Variants in SDHAF3 observed in about 807,000 individuals in gnomAD.
SDHAF3 encodes succinate dehydrogenase assembly factor 3, mitochondrial.
In SDHAF3, 18 loss-of-function variants were observed where a neutral mutation model predicts 11.5. The ratio of observed to expected loss-of-function variants is 1.56; its 90% CI spans 1.08 to 2.32. The LOEUF (loss-of-function observed/expected upper bound fraction) is 2.32. SDHAF3 is among the 30% of genes most tolerant of loss of function. The pLI, the probability that SDHAF3 is intolerant of heterozygous loss-of-function variation, is 0.00. For synonymous variants in SDHAF3, 72 were observed against 59.3 expected (o/e 1.21, Z -0.99); for missense variants, 200 against 154.4 (o/e 1.30, Z -1.57).
At chr7:97,159,061 C>G (rs1185247339) in intron 1 of SDHAF3, among the ~76,000 whole-genome samples, 2 of 152,086 alleles carry the variant, frequency 1.3e-5, no homozygotes, top group East Asian at 1.9e-4. Flanking sequence ...TAAATAAGTT[C>G]TCTATTATTT....
intron 1 of SDHAF3, among the ~76,000 whole-genome samples, chr7:97,154,169 AGG>A: frequency 7.4e-6 from 1 of 135,552 alleles, no homozygotes; most frequent in Admixed American, 9.0e-5. Context: ...AACCTTCTTA[AGG>A]GTGGGGGAGA....
intron 1 of SDHAF3, among the ~76,000 whole-genome samples, chr7:97,119,084 T>A (rs1791452400): frequency 6.6e-6 from 1 of 152,216 alleles, no homozygotes; most frequent in South Asian, 2.1e-4. Context: ...TTTTCTAGTC[T>A]TATTTTCTCA....
At chr7:97,167,340 T>C (rs1789523353) in intron 1 of SDHAF3, among the ~76,000 whole-genome samples, 1 of 152,224 alleles carries the variant, frequency 6.6e-6, no homozygotes, top group African/African-American at 2.4e-5. Flanking sequence ...TCTTCTGCTA[T>C]GATTGTACAT....
At chr7:97,121,112 G>A (rs890041744) in intron 1 of SDHAF3, among the ~76,000 whole-genome samples, 4 of 152,228 alleles carry the variant, frequency 2.6e-5, no homozygotes, top group African/African-American at 9.6e-5. Flanking sequence ...TTTGTAAAAT[G>A]TGCATTGTAA....
At chr7:97,136,682 A>G (rs770432741) in intron 1 of SDHAF3, among the ~76,000 whole-genome samples, 5 of 152,192 alleles carry the variant, frequency 3.3e-5, no homozygotes, top group Non-Finnish European at 4.4e-5. Flanking sequence ...TTCTCTTTTA[A>G]AAGCATAACT....
intron 1 of SDHAF3, among the ~76,000 whole-genome samples, chr7:97,119,049 C>G (rs1791452023): frequency 6.6e-6 from 1 of 152,162 alleles, no homozygotes; most frequent in Admixed American, 6.5e-5. Context: ...CAGTCTCTGA[C>G]ATTTTAAGTG....
intron 1 of SDHAF3, among the ~76,000 whole-genome samples, chr7:97,167,785 G>A (rs973678071): frequency 6.6e-6 from 1 of 152,190 alleles, no homozygotes; most frequent in African/African-American, 2.4e-5. Context: ...GATCTGGGTG[G>A]TGCTAGCTGA....
At chr7:97,124,897 C>T (rs767567206) in intron 1 of SDHAF3, among the ~76,000 whole-genome samples, 3 of 152,144 alleles carry the variant, frequency 2.0e-5, no homozygotes, top group Admixed American at 1.3e-4. Flanking sequence ...AGTTTTTGGG[C>T]TGAGACGATG....
chr7:97,160,958 C>A (rs1209589089), intron 1 of SDHAF3, among the ~76,000 whole-genome samples: 3 of 151,808 alleles, frequency 2.0e-5, no homozygotes, highest in Non-Finnish European at 2.9e-5. Context: ...TACAGATGGT[C>A]CCCCACTTAA....
chr7:97,153,926 G>A (rs983376678), intron 1 of SDHAF3, among the ~76,000 whole-genome samples: 1 of 152,168 alleles, frequency 6.6e-6, no homozygotes, highest in African/African-American at 2.4e-5. Context: ...TTTCCTAATT[G>A]TCACATGCAT....
At chr7:97,157,906 T>C (rs2115708789) in intron 1 of SDHAF3, among the ~76,000 whole-genome samples, 1 of 135,024 alleles carries the variant, frequency 7.4e-6, no homozygotes, top group African/African-American at 2.8e-5. Flanking sequence ...TAGGTGGGAA[T>C]TGAACAATGA....
At chr7:97,157,242 C>A (rs1416688386) in intron 1 of SDHAF3, among the ~76,000 whole-genome samples, 1 of 152,130 alleles carries the variant, frequency 6.6e-6, no homozygotes, top group Non-Finnish European at 1.5e-5. Flanking sequence ...TGAGTTGATT[C>A]TTTTTTACAT....
intron 1 of SDHAF3, chr7:97,136,539 G>A: frequency 1.8e-6 from 1 of 552,034 alleles, no homozygotes; most frequent in Non-Finnish European, 3.3e-6. Flanking sequence ...ATTCTTTACA[G>A]CCTAAATTAA....
intron 1 of SDHAF3, among the ~76,000 whole-genome samples, chr7:97,145,761 G>A (rs1789124751): frequency 6.6e-6 from 1 of 151,870 alleles, no homozygotes; most frequent in East Asian, 1.9e-4. Context: ...AATTTTCTTT[G>A]TCTTAATTGA....
intron 1 of SDHAF3, among the ~76,000 whole-genome samples, chr7:97,174,990 C>T (rs1324169407): frequency 6.6e-6 from 1 of 152,052 alleles, no homozygotes; most frequent in Non-Finnish European, 1.5e-5. Context: ...GATGTAGAGG[C>T]TTACTAGGTG....
intron 1 of SDHAF3, chr7:97,142,615 T>C (rs1789068670): frequency 6.6e-6 from 1 of 152,196 alleles, no homozygotes; most frequent in Non-Finnish European, 1.5e-5. Flanking sequence ...TAGTTTCTAA[T>C]TATTCAGAAC....
intron 1 of SDHAF3, among the ~76,000 whole-genome samples, chr7:97,120,395 G>A (rs1791473088): frequency 6.6e-6 from 1 of 152,092 alleles, no homozygotes; most frequent in South Asian, 2.1e-4. Context: ...TGAAAGAGTA[G>A]GGCTAGAGAA....
chr7:97,148,740 TA>T (rs1789172787), intron 1 of SDHAF3, among the ~76,000 whole-genome samples: 1 of 152,216 alleles, frequency 6.6e-6, no homozygotes, highest in Non-Finnish European at 1.5e-5. Context: ...CTTTACTTTT[TA>T]TATGTGCGTA....
intron 1 of SDHAF3, among the ~76,000 whole-genome samples, chr7:97,157,602 C>T (rs1789324270): frequency 6.6e-6 from 1 of 152,166 alleles, no homozygotes; most frequent in Non-Finnish European, 1.5e-5. Flanking sequence ...TTTGACCCAG[C>T]AGTCCCATTA....
Sources: allele counts gnomAD v4.1 joint callset (sites outside exome capture counted in the v4.1 genomes callset), GRCh38; gene constraint gnomAD v4.1.1; transcripts MANE v1.5; gene names NCBI Gene and HGNC (gene_info 2026-07-23, HGNC 2026-07-21).